IBTK: variants seen among roughly 807,000 people sequenced by gnomAD.
IBTK encodes inhibitor of Bruton tyrosine kinase.
IBTK carries 83 observed loss-of-function variants against 154.9 expected under a neutral mutation model. The ratio of observed to expected loss-of-function variants is 0.54; its 90% CI spans 0.45 to 0.64. The LOEUF (loss-of-function observed/expected upper bound fraction) is 0.64, where lower values mean the gene tolerates loss of function less well. IBTK is among the 30% of genes least tolerant of loss of function. IBTK has a pLI of 0.00. For missense variants in IBTK, 1,332 were observed against 1,584.6 expected (o/e 0.84, Z 2.71); for synonymous variants, 515 against 536.1 (o/e 0.96, Z 0.54).
intron 25 of IBTK, among the ~76,000 whole-genome samples, chr6:82,186,913 CTTT>C (rs138781864): frequency 5.8e-5 from 6 of 103,670 alleles, no homozygotes; most frequent in Admixed American, 2.2e-4. Context: ...TTATCAAATT[CTTT>C]TTTTTTTTTT....
chr6:82,240,213 T>C lies in IBTK; in HGVS notation c.274A>G (p.Arg92Gly). Residue 92 changes from arginine to glycine, a missense_variant, in exon 2 of 29, where the codon AGA (arginine) becomes GGA (glycine). Arg to Gly is a moderately radical substitution (Grantham distance 125). Around this residue, in one of 3 missense-constraint regions of IBTK, gnomAD observed 114 missense variants for 213.7 expected, o/e 0.53. Transcript: ENST00000306270. ...DKESGWTALH[R>G]SIFYGHIDCV... Reference sequence around the variant, plus strand: ...TCAATATGTCCATAAAAAATGCTTCTGTGCAATGCTGTCCATCCAGACTCT... The same window carrying C: ...TCAATATGTCCATAAAAAATGCTTCCGTGCAATGCTGTCCATCCAGACTCT... 6.2e-7 allele frequency: 1 copy of C among 1,614,174 alleles called. No homozygotes were observed. The highest frequency in any genetic ancestry group is 8.5e-7 in the Non-Finnish European group (1 of 1,180,026).
intron 1 of IBTK, among the ~76,000 whole-genome samples, chr6:82,246,439 A>ATTTTTTTTTT (rs1771145209): frequency 9.8e-6 from 1 of 102,036 alleles, no homozygotes; most frequent in Admixed American, 1.0e-4. Flanking sequence ...GATTACAGGC[A>ATTTTTTTTTT]TCTTTTTTTT....
intron 12 of IBTK, among the ~76,000 whole-genome samples, chr6:82,213,168 C>T (rs1378080302): frequency 2.0e-5 from 3 of 152,138 alleles, no homozygotes; most frequent in East Asian, 3.9e-4. Flanking sequence ...ACTGGGACTA[C>T]AGGCATTCAC....
At chr6:82,236,160 C>T (rs138287822) in intron 2 of IBTK, among the ~76,000 whole-genome samples, 1,807 of 152,254 alleles carry the variant, frequency 0.012, 30 homozygotes, top group African/African-American at 0.039. Context: ...AGTTGTGAGC[C>T]ACCATGCCCG....
chr6:82,194,504 C>T lies in IBTK; in HGVS notation c.3313G>A (p.Ala1105Thr). The change falls in exon 23 of 29, where the codon GCC (alanine) becomes ACC (threonine). Residue 1105 changes from alanine to threonine, a missense_variant. Physicochemically the swap from Ala to Thr is moderately conservative, Grantham distance 58. Around this residue, in one of 3 missense-constraint regions of IBTK, gnomAD observed 1,134 missense variants for 1,274.7 expected, o/e 0.89. Coordinates refer to ENST00000306270, the MANE Select transcript of IBTK (RefSeq NM_015525.4). ...PSNRIDTTSS[A>T]SWVAGSFSPV... ...CTGAAAGAACCAGCAACCCAACTGGCAGAGCTGGTAGTATCAATTCTGTTA... is the reference window on the plus strand; with the variant it reads ...CTGAAAGAACCAGCAACCCAACTGGTAGAGCTGGTAGTATCAATTCTGTTA... The T allele has an allele frequency of 6.3e-7, 1 of 1,584,010 alleles. No homozygotes were observed. Among genetic ancestry groups the T allele is most frequent in the South Asian group, 1.2e-5 (1 of 83,302 alleles).
intron 16 of IBTK, among the ~76,000 whole-genome samples, chr6:82,210,063 C>G (rs1769570087): frequency 6.6e-6 from 1 of 152,170 alleles, no homozygotes; most frequent in Non-Finnish European, 1.5e-5. Flanking sequence ...ACATCCAGTA[C>G]CATTCCAATG....
rs749153646 is a variant in IBTK at position 82,176,521 on chromosome 6, C to CAAAAAAAAAAAAA, written c.3726-3096_3726-3084dup. On this transcript the variant is annotated intron_variant, in intron 26 of 28. Transcript: ENST00000306270. ...GGGTGACAAGAGCGAGAGTCCGTCTCAAAAAAAAAAAAAAAAAAAGAAACA... is the reference window on the plus strand; with the variant it reads ...GGGTGACAAGAGCGAGAGTCCGTCTCAAAAAAAAAAAAAAAAAAAAAAAAAAAAAAAAGAAACA... Among the ~76,000 whole-genome samples, 3 of 61,486 alleles carry CAAAAAAAAAAAAA rather than the reference C, an allele frequency of 4.9e-5. 1 individual carries two copies. Among genetic ancestry groups the CAAAAAAAAAAAAA allele is most frequent in the South Asian group, 5.9e-4 (1 of 1,694 alleles). 40.3% of individuals were successfully genotyped at this position (61,486 alleles called of 152,430 possible). A position where few individuals can be genotyped will look rare whatever the true frequency, so the allele number is the denominator to read the frequency against.
intron 8 of IBTK, among the ~76,000 whole-genome samples, chr6:82,221,097 C>T (rs1308995256): frequency 6.6e-6 from 1 of 152,068 alleles, no homozygotes; most frequent in East Asian, 1.9e-4. Flanking sequence ...GAGGCCAAGG[C>T]CGGTGGATCA....
At chr6:82,227,141 T>C in intron 5 of IBTK, 51 bp downstream of exon 5, 2 of 1,234,810 alleles carry the variant, frequency 1.6e-6, no homozygotes, top group Admixed American at 2.1e-5. Flanking sequence ...TCTTTCAGCT[T>C]ATCAGCATTT....
In IBTK at chr6:82,196,404, G is replaced by A; in HGVS notation, c.3068C>T (p.Pro1023Leu). 6.2e-7 allele frequency: 1 copy of A among 1,611,862 alleles called. No individual in the cohort carries two copies. The highest frequency in any genetic ancestry group is 1.7e-5 in the Admixed American group (1 of 59,838). The change falls in exon 22 of 29, where the codon CCA becomes CTA. Residue 1023 changes from proline to leucine, a missense_variant. Around this residue, in one of 3 missense-constraint regions of IBTK, gnomAD observed 1,134 missense variants for 1,274.7 expected, o/e 0.89. Transcript: ENST00000306270. ...TTCAGAGTCTGATGTCAACAGTTCT[G>A]GAAGAGATTCCACAGAATTGGTCTT... ...SGKTNSVESL[P>L]ELLTSDSEGS...
chr6:82,210,842 G>T lies in IBTK; in HGVS notation c.2481C>A (p.Leu827=). Residue 827 remains leucine, a synonymous_variant, in exon 16 of 29, where the codon CTC becomes CTA. Coordinates refer to ENST00000306270, the MANE Select transcript of IBTK (RefSeq NM_015525.4). ...TTATCACCACAGCTTCATCAGTATA[G>T]AGGTAGTCCAAAATAACTTTTAATA... The part of the protein sequence containing the change: ...SDILKVILDY[L]YTDEAVVIKE... 1 of 1,563,624 alleles carries T rather than the reference G, an allele frequency of 6.4e-7. No homozygotes were observed. The highest frequency in any genetic ancestry group is 8.7e-7 in the Non-Finnish European group (1 of 1,149,690).
chr6:82,200,586 C>T lies in IBTK; in HGVS notation c.2912+1G>A, dbSNP rs1035592414. 6 of 1,541,960 alleles carry T rather than the reference C, an allele frequency of 3.9e-6. No individual in the cohort carries two copies. Among genetic ancestry groups the T allele is most frequent in the South Asian group, 2.5e-5 (2 of 81,390 alleles). On this transcript the variant is annotated splice_donor_variant, in intron 20 of 28. Coordinates refer to ENST00000306270, the MANE Select transcript of IBTK (RefSeq NM_015525.4). LOFTEE classifies it high-confidence loss of function. ...GAAAAAAAAAAAAGAAAACAGCTTA[C>T]GAATGATTTTGTTCCATATTTATTT...
intron 27 of IBTK, 26 bp from the exon 28 acceptor site, chr6:82,172,538 C>T: frequency 6.3e-7 from 1 of 1,580,814 alleles, no homozygotes; most frequent in Non-Finnish European, 8.6e-7. Flanking sequence ...TAATGAGTTT[C>T]ATTCATCTTC....
intron 4 of IBTK, among the ~76,000 whole-genome samples, chr6:82,231,493 C>G (rs1770501716): frequency 6.6e-6 from 1 of 152,154 alleles, no homozygotes; most frequent in African/African-American, 2.4e-5. Context: ...ATTTCTAACA[C>G]TAATTGCACA....
chr6:82,246,745 CAA>C (rs1771163044), intron 1 of IBTK, among the ~76,000 whole-genome samples: 2 of 152,114 alleles, frequency 1.3e-5, no homozygotes, highest in South Asian at 4.1e-4. Context: ...ATTCAAAATA[CAA>C]AAAGAGAAAT....
intron 4 of IBTK, 87 bp from the exon 5 acceptor site, chr6:82,227,389 T>C (rs1770335939): frequency 9.6e-6 from 7 of 727,340 alleles, no homozygotes; most frequent in Non-Finnish European, 1.5e-5. Context: ...TTGTTAATTG[T>C]TTAAACAGGA....
chr6:82,240,120 A>T, intron 2 of IBTK, 46 bp downstream of exon 2: 2 of 1,493,668 alleles, frequency 1.3e-6, no homozygotes, highest in Non-Finnish European at 1.8e-6. Context: ...ATTAAGAAAA[A>T]CATATTCCAG....
At chr6:82,243,376 A>C (rs1348938244) in intron 1 of IBTK, among the ~76,000 whole-genome samples, 2 of 152,238 alleles carry the variant, frequency 1.3e-5, no homozygotes, top group Non-Finnish European at 2.9e-5. Context: ...TCTATTACCC[A>C]CAATCAACCA....
chr6:82,203,462 G>A (rs1769287479), intron 17 of IBTK, among the ~76,000 whole-genome samples: 1 of 152,032 alleles, frequency 6.6e-6, no homozygotes, highest in Non-Finnish European at 1.5e-5. Flanking sequence ...TCTATCAAAA[G>A]TTGCAACTGC....
Sources: allele counts gnomAD v4.1 joint callset (sites outside exome capture counted in the v4.1 genomes callset), GRCh38; gene constraint gnomAD v4.1.1; regional missense constraint gnomAD v4.1.1; transcripts MANE v1.5; gene names NCBI Gene and HGNC (gene_info 2026-07-23, HGNC 2026-07-21).